Variants in METTL25 observed in about 807,000 individuals in gnomAD.
METTL25 encodes probable methyltransferase-like protein 25.
METTL25 carries 64 observed loss-of-function variants against 71.6 expected under a neutral mutation model. That is an observed-to-expected ratio of 0.89 (90% CI 0.73 to 1.10). The LOEUF is 1.10. METTL25 is among the 50% of genes least tolerant of loss of function. The pLI is 0.00. For missense variants in METTL25, 807 were observed against 707.0 expected, an observed-to-expected ratio of 1.14 and a Z score of -1.60; for synonymous variants, 287 against 250.3, an observed-to-expected ratio of 1.15 and a Z score of -1.38.
chr12:82,431,991 A>C (rs1433910593), intron 6 of METTL25, among the ~76,000 whole-genome samples: 1 of 151,682 alleles, frequency 6.6e-6, no homozygotes, highest in African/African-American at 2.4e-5. Flanking sequence ...TACTGAATGC[A>C]TATCACTTTT....
At chr12:82,429,347 G>A (rs575197387) in intron 5 of METTL25, among the ~76,000 whole-genome samples, 24 of 147,032 alleles carry the variant, frequency 1.6e-4, no homozygotes, top group Admixed American at 2.8e-4. Context: ...AGTGACTTCC[G>A]TTTCTACCCA....
chr12:82,473,664 G>A lies in METTL25; in HGVS notation c.1573-2980G>A, dbSNP rs182280375. On this transcript the variant is annotated intron_variant, in intron 9 of 11. Transcript: ENST00000248306. ...TGTTTGTACATCGTTGGTTGTGGGT[G>A]TATACTTCACCTGGCCTCAGAGCAT... Among the ~76,000 whole-genome samples the A allele has an allele frequency of 6.1e-4, 93 of 152,268 alleles. 1 individual carries two copies. The highest frequency in any genetic ancestry group is 5.9e-3 in the Admixed American group (91 of 15,298).
At chr12:82,427,326 G>C (rs2642016) in intron 5 of METTL25, among the ~76,000 whole-genome samples, 151,561 of 152,066 alleles carry the variant, frequency 1, 75,531 homozygotes, top group Middle Eastern at 1. Flanking sequence ...GGCTTATAGC[G>C]ACAACAATTA....
intron 9 of METTL25, among the ~76,000 whole-genome samples, chr12:82,464,346 C>T (rs1414380724): frequency 6.6e-6 from 1 of 151,858 alleles, no homozygotes; most frequent in South Asian, 2.1e-4. Context: ...TCAGTTTTCC[C>T]AGCAACATTT....
chr12:82,446,426 C>A (rs1592737808), intron 8 of METTL25, among the ~76,000 whole-genome samples: 1 of 151,924 alleles, frequency 6.6e-6, no homozygotes, highest in Non-Finnish European at 1.5e-5. Context: ...AGCCACAAAA[C>A]AAGTCTCAAC....
At chr12:82,457,848 G>A (rs1483785042) in intron 9 of METTL25, among the ~76,000 whole-genome samples, 2 of 151,800 alleles carry the variant, frequency 1.3e-5, no homozygotes, top group Non-Finnish European at 2.9e-5. Context: ...AATAGACAAG[G>A]TTACACTAAT....
chr12:82,434,810 A>G, intron 7 of METTL25, 86 bp downstream of exon 7: 1 of 1,045,890 alleles, frequency 9.6e-7, no homozygotes, highest in Non-Finnish European at 1.5e-6. Flanking sequence ...TTAAAACCTA[A>G]TGGAATTTAA....
chr12:82,377,663 T>A (rs751117010), intron 1 of METTL25, among the ~76,000 whole-genome samples: 31 of 152,188 alleles, frequency 2.0e-4, no homozygotes, highest in Non-Finnish European at 4.0e-4. Flanking sequence ...TTTGAATATT[T>A]AAAATAATCT....
At chr12:82,396,681 A>G (rs1012440482) in intron 3 of METTL25, among the ~76,000 whole-genome samples, 1 of 152,066 alleles carries the variant, frequency 6.6e-6, no homozygotes, top group Non-Finnish European at 1.5e-5. Context: ...AAATTTTGGT[A>G]ATTATAACAG....
chr12:82,401,194 C>T (rs1886593398), intron 4 of METTL25, among the ~76,000 whole-genome samples: 1 of 151,958 alleles, frequency 6.6e-6, no homozygotes, highest in Non-Finnish European at 1.5e-5. Flanking sequence ...AGTTTGATTA[C>T]AGCTGTCTTT....
At chr12:82,373,981 C>T (rs920694424) in intron 1 of METTL25, 3 of 153,890 alleles carry the variant, frequency 1.9e-5, no homozygotes, top group Admixed American at 1.3e-4. Flanking sequence ...TGGTGATAGT[C>T]CCTTTGTGAT....
intron 7 of METTL25, among the ~76,000 whole-genome samples, chr12:82,437,987 G>T (rs1429443620): frequency 5.9e-5 from 9 of 151,800 alleles, no homozygotes; most frequent in African/African-American, 2.2e-4. Flanking sequence ...TTCTGTTGCT[G>T]CAGTGAAGTG....
intron 1 of METTL25, among the ~76,000 whole-genome samples, chr12:82,365,043 AATT>A (rs1341941796): frequency 6.6e-6 from 1 of 152,212 alleles, no homozygotes; most frequent in Non-Finnish European, 1.5e-5. Flanking sequence ...GGCAAATAAA[AATT>A]ATGTATGTTT....
rs1354512112 is a variant in METTL25, at chr12:82,402,972, G to A, written c.1132-11G>A. The A allele has an allele frequency of 6.4e-7, 1 of 1,563,002 alleles. No homozygotes were observed. Among genetic ancestry groups the A allele is most frequent in the African/African-American group, 1.4e-5 (1 of 71,808 alleles). On this transcript the variant is annotated splice_polypyrimidine_tract_variant and intron_variant, in intron 4 of 11. Transcript: ENST00000248306. The stretch of plus-strand genomic sequence containing the variant: ...ATTACCAAATTTTATTTTTCTTCTT[G>A]TATTTTAAAGGATTGTTTGATGGTG...
chr12:82,471,827 A>G (rs1438879504), intron 9 of METTL25, among the ~76,000 whole-genome samples: 12 of 152,160 alleles, frequency 7.9e-5, no homozygotes, highest in African/African-American at 2.7e-4. Flanking sequence ...AATCATTTCA[A>G]TGGTGTTATA....
At chr12:82,436,072 A>G (rs113840916) in intron 7 of METTL25, among the ~76,000 whole-genome samples, 22 of 151,472 alleles carry the variant, frequency 1.5e-4, no homozygotes, top group African/African-American at 4.6e-4. Flanking sequence ...TCTGGGGGAA[A>G]AAAGAGAGCT....
chr12:82,436,589 C>T (rs988821896), intron 7 of METTL25, among the ~76,000 whole-genome samples: 3 of 151,608 alleles, frequency 2.0e-5, no homozygotes, highest in Non-Finnish European at 4.4e-5. Flanking sequence ...CTCTTATTTA[C>T]TCAGAGTAAC....
At chr12:82,401,781 T>C (rs963843284) in intron 4 of METTL25, among the ~76,000 whole-genome samples, 13 of 152,072 alleles carry the variant, frequency 8.5e-5, no homozygotes, top group Non-Finnish European at 2.9e-5. Context: ...TTTAAAAAAC[T>C]AGAAATTAAT....
chr12:82,387,394 AC>A (rs1316057306), intron 2 of METTL25, among the ~76,000 whole-genome samples: 2 of 152,078 alleles, frequency 1.3e-5, no homozygotes, highest in Non-Finnish European at 2.9e-5. Flanking sequence ...AATTAAAAAA[AC>A]AAATATGATA....
Sources: allele counts gnomAD v4.1 joint callset (sites outside exome capture counted in the v4.1 genomes callset), GRCh38; gene constraint gnomAD v4.1.1; transcripts MANE v1.5; gene names NCBI Gene and HGNC (gene_info 2026-07-23, HGNC 2026-07-21).